ADCK5: variants seen among roughly 807,000 people sequenced by gnomAD.
ADCK5 encodes the protein uncharacterized aarF domain-containing protein kinase 5.
ADCK5 carries 43 observed loss-of-function variants against 64.9 expected under a neutral mutation model. The observed-to-expected ratio is 0.66, with a 90% CI of 0.52 to 0.85. ADCK5 has a LOEUF of 0.85. ADCK5 is among the 40% of genes least tolerant of loss of function. ADCK5 has a pLI of 0.00. For synonymous variants in ADCK5, 434 were observed against 342.8 expected, an observed-to-expected ratio of 1.27 and a Z score of -2.94; for missense variants, 760 against 810.5, an observed-to-expected ratio of 0.94 and a Z score of 0.76.
rs782100032 is a variant in ADCK5 at position 144,391,881 on chromosome 8, G to T, written c.1014+15G>T. The T allele has an allele frequency of 2.6e-5, 42 of 1,598,638 alleles. No homozygotes were observed. Among genetic ancestry groups the T allele is most frequent in the Non-Finnish European group, 2.9e-5 (34 of 1,175,582 alleles). On this transcript the variant is annotated intron_variant, in intron 9 of 14. Coordinates refer to ENST00000308860, the MANE Select transcript of ADCK5 (RefSeq NM_174922.5). Reference sequence around the variant, plus strand: ...CAGTGCATGACGTGAGTGCGGGGGGGCGGGGGCGGGTCAGGGCGGGCTGGT... The same window carrying T: ...CAGTGCATGACGTGAGTGCGGGGGGTCGGGGGCGGGTCAGGGCGGGCTGGT...
Position 144,392,435 on chromosome 8 carries a change from C to T in ADCK5, c.1268-10C>T, listed in dbSNP as rs1384865937. The T allele has an allele frequency of 2.0e-6, 3 of 1,489,486 alleles. No homozygotes were observed. The highest frequency in any genetic ancestry group is 2.5e-5 in the South Asian group (2 of 80,218). The allele number at this position is 1,489,486 out of a possible 1,614,324, so 92.3% of individuals were successfully genotyped here. A position where few individuals can be genotyped will look rare whatever the true frequency, so the allele number is the denominator to read the frequency against. ...GAGCCCCCTCCCTCCCTCCCTCCCTCCCTCCCCAGACTACCTCCTGTTCGC... is the reference window on the plus strand; with the variant it reads ...GAGCCCCCTCCCTCCCTCCCTCCCTTCCTCCCCAGACTACCTCCTGTTCGC... On this transcript the variant is annotated splice_polypyrimidine_tract_variant and intron_variant, in intron 12 of 14. Transcript: ENST00000308860.
At position 144,393,081 on chromosome 8, in the gene ADCK5, G is replaced by A; in HGVS notation, c.*7G>A. ...CCAGTACCTGGAGACCTAGGGTGCA[G>A]CCGCCCAGGGCCGGCGGGGCCCTTT... On this transcript the variant is annotated 3_prime_UTR_variant, in exon 15 of 15. Transcript: ENST00000308860. 1.3e-6 allele frequency: 2 copies of A among 1,552,676 alleles called. No individual in the cohort carries two copies. Among genetic ancestry groups the A allele is most frequent in the South Asian group, 1.2e-5 (1 of 84,416 alleles).
exon 15 of ADCK5, chr8:144,393,232 CAAGCAAAAAATGTTTTTCCTT>C: frequency 7.1e-7 from 1 of 1,409,954 alleles, no homozygotes; most frequent in Non-Finnish European, 9.5e-7. Context: ...ACACTCCTCT[CAAGCAAAAAATGTTTTTCCTT>C]GTGTTTTGTA....
chr8:144,392,418 T>TA (rs2130736030), intron 12 of ADCK5, 27 bp from the exon 13 acceptor site: 23 of 798,906 alleles, frequency 2.9e-5, no homozygotes, highest in Non-Finnish European at 3.4e-5. Context: ...CAGAGCCCCC[T>TA]CCCTCCCTCC....
chr8:144,391,615 C>T lies in ADCK5; in HGVS notation c.834C>T (p.Phe278=), dbSNP rs992370425. ...LKGTLAQELD[F]ENEGRNAERC... Reference sequence around the variant, plus strand: ...GGACCCTGGCCCAGGAGCTGGACTTCGAGAATGAGGGCCGCAACGCAGAGC... The same window carrying T: ...GGACCCTGGCCCAGGAGCTGGACTTTGAGAATGAGGGCCGCAACGCAGAGC... Residue 278 remains phenylalanine (F), a synonymous_variant, in exon 8 of 15, where the codon TTC becomes TTT. Coordinates refer to ENST00000308860, the MANE Select transcript of ADCK5 (RefSeq NM_174922.5). 7 of 1,569,592 alleles carry T rather than the reference C, an allele frequency of 4.5e-6. No homozygotes were observed. The highest frequency in any genetic ancestry group is 1.8e-5 in the Admixed American group (1 of 54,276).
intron 3 of ADCK5, among the ~76,000 whole-genome samples, chr8:144,390,026 T>C (rs1437462532): frequency 6.6e-6 from 1 of 151,858 alleles, no homozygotes; most frequent in Non-Finnish European, 1.5e-5. Flanking sequence ...AAATGGGGTT[T>C]CACCATGTTG....
chr8:144,389,180 C>T, intron 3 of ADCK5: 2 of 441,396 alleles, frequency 4.5e-6, no homozygotes, highest in South Asian at 3.2e-5. Context: ...TTGCCTAAAT[C>T]TCCCCCAGGA....
At chr8:144,385,318 G>T (rs781956603) in intron 3 of ADCK5, among the ~76,000 whole-genome samples, 7 of 151,506 alleles carry the variant, frequency 4.6e-5, no homozygotes, top group Non-Finnish European at 8.8e-5. Flanking sequence ...CAAGCAGCTG[G>T]GATTTCGGGT....
At chr8:144,386,752 C>T (rs1203611260) in intron 3 of ADCK5, among the ~76,000 whole-genome samples, 2 of 152,234 alleles carry the variant, frequency 1.3e-5, no homozygotes, top group Non-Finnish European at 2.9e-5. Flanking sequence ...TTTCCAGCCC[C>T]GGTCCTCCCG....
chr8:144,392,417 C>T (rs559501595), intron 12 of ADCK5, 28 bp from the exon 13 acceptor site: 8 of 1,325,716 alleles, frequency 6.0e-6, no homozygotes, highest in Non-Finnish European at 6.9e-6. Flanking sequence ...TCAGAGCCCC[C>T]TCCCTCCCTC....
rs1819832693 is a variant in ADCK5, at chr8:144,384,656, TC to T, written c.266+1430del. Among the ~76,000 whole-genome samples the T allele has an allele frequency of 6.6e-6, 1 of 152,174 alleles. No individual in the cohort carries two copies. The highest frequency in any genetic ancestry group is 2.1e-4 in the South Asian group (1 of 4,828). On this transcript the variant is annotated intron_variant, in intron 3 of 14. Coordinates refer to ENST00000308860, the MANE Select transcript of ADCK5 (RefSeq NM_174922.5). This position sits in a 1 kb window ranked among gnomAD's most constrained non-coding sequence, Gnocchi z 5.7. Reference sequence around the variant, plus strand: ...GGCCACACAGGGCTGCCAGCCACCGTCCCCTGCAGCCTGGTTCTGAAATGTC... The same window carrying T: ...GGCCACACAGGGCTGCCAGCCACCGTCCCTGCAGCCTGGTTCTGAAATGTC...
intron 3 of ADCK5, among the ~76,000 whole-genome samples, chr8:144,385,093 A>G (rs1819851386): frequency 6.6e-6 from 1 of 151,940 alleles, no homozygotes; most frequent in Admixed American, 6.5e-5. Flanking sequence ...AGGTACCCAA[A>G]TGATCAGGGG....
At chr8:144,389,970 A>C (rs1220465646) in intron 3 of ADCK5, among the ~76,000 whole-genome samples, 1 of 151,968 alleles carries the variant, frequency 6.6e-6, no homozygotes, top group Non-Finnish European at 1.5e-5. Flanking sequence ...CTGGGATTAC[A>C]GGTGTGCACC....
At position 144,392,999 on chromosome 8, in the gene ADCK5, C is replaced by T; in HGVS notation, c.1668C>T (p.Ala556=). 6.3e-7 allele frequency: 1 copy of T among 1,588,948 alleles called. No homozygotes were observed. Among genetic ancestry groups the T allele is most frequent in the Non-Finnish European group, 8.5e-7 (1 of 1,171,050 alleles). The change falls in exon 15 of 15, where the codon GCC becomes GCT. Residue 556 remains alanine (A), a synonymous_variant. Transcript: ENST00000308860. ...RLETLAMRLT[A]LLARALVHLS... The stretch of plus-strand genomic sequence containing the variant: ...AGACCTTGGCCATGCGGCTGACCGC[C>T]CTCCTGGCTCGTGCTCTGGTCCACC...
At chr8:144,375,062 G>C (rs1387033189) in intron 1 of ADCK5, among the ~76,000 whole-genome samples, 1 of 152,230 alleles carries the variant, frequency 6.6e-6, no homozygotes, top group Non-Finnish European at 1.5e-5. Context: ...CGGCCCACTC[G>C]TGCCCCAGCC....
intron 2 of ADCK5, among the ~76,000 whole-genome samples, chr8:144,382,688 T>C (rs1205976950): frequency 6.6e-6 from 1 of 152,240 alleles, no homozygotes; most frequent in African/African-American, 2.4e-5. Flanking sequence ...GCTGTGCTGA[T>C]GACCATCCAG....
chr8:144,391,505 G>A (rs781938378), intron 7 of ADCK5, 31 bp downstream of exon 7: 2 of 1,596,638 alleles, frequency 1.3e-6, no homozygotes, highest in Non-Finnish European at 1.7e-6. Context: ...CGGCCAGCAG[G>A]AGCAAACACG....
Position 144,392,709 on chromosome 8 carries a change from G to C in ADCK5, c.1520+12G>C, listed in dbSNP as rs370293282. On this transcript the variant is annotated intron_variant, in intron 13 of 14. Transcript: ENST00000308860. ...CTTATGGCTAAAAGGTCGGTGGCCC[G>C]AGGAGGCGCCCGGGCCGTGGTGGGG... 5.0e-6 allele frequency: 8 copies of C among 1,591,292 alleles called. No homozygotes were observed. Among genetic ancestry groups the C allele is most frequent in the Non-Finnish European group, 6.8e-6 (8 of 1,168,764 alleles).
At chr8:144,373,936 G>A (rs1819255628), upstream of ADCK5, 1 of 843,434 alleles carries the variant, frequency 1.2e-6, no homozygotes, top group African/African-American at 1.8e-5. Flanking sequence ...CCGCCGCGGA[G>A]GCCGGCACGA....
Sources: gnomAD v4.1 joint callset for allele counts (sites outside exome capture counted in the v4.1 genomes callset) on GRCh38, gnomAD v4.1.1 for gene constraint, Gnocchi (gnomAD v3.1) non-coding constraint, MANE v1.5 for transcripts, NCBI Gene and HGNC (gene_info 2026-07-23, HGNC 2026-07-21) for gene names.